The following RABEP1 variants were observed in gnomAD, a reference collection of about 807,000 sequenced individuals.
The protein encoded by RABEP1 is rabaptin, RAB GTPase binding effector protein 1.
Under a neutral mutation model 123.4 loss-of-function variants are expected in RABEP1, and 51 were observed. That is an observed-to-expected ratio of 0.41 (90% CI 0.33 to 0.52). RABEP1 has a LOEUF of 0.52. Ranked by LOEUF, RABEP1 falls within the 20% of genes least tolerant of loss-of-function variation. The pLI, the probability that RABEP1 is intolerant of heterozygous loss-of-function variation, is 0.16. For synonymous variants in RABEP1, 347 were observed against 355.2 expected (o/e 0.98, Z 0.26); for missense variants, 888 against 996.3 (o/e 0.89, Z 1.46).
At chr17:5,328,098 T>A (rs1906151782) in intron 2 of RABEP1, among the ~76,000 whole-genome samples, 2 of 151,568 alleles carry the variant, frequency 1.3e-5, no homozygotes, top group Non-Finnish European at 3.0e-5. Flanking sequence ...CAAAAGAACA[T>A]TAAGGTTTCA....
intron 1 of RABEP1, among the ~76,000 whole-genome samples, chr17:5,294,309 G>A (rs1255140466): frequency 1.2e-4 from 19 of 152,202 alleles, no homozygotes; most frequent in African/African-American, 4.1e-4. Context: ...GCTTGAACCC[G>A]GGAGGCGGAG....
At chr17:5,339,376 G>GT (rs769147598) in intron 5 of RABEP1, among the ~76,000 whole-genome samples, 3 of 152,110 alleles carry the variant, frequency 2.0e-5, no homozygotes, top group Non-Finnish European at 4.4e-5. Flanking sequence ...AGTTATAGTG[G>GT]TGTGTGCCTG....
At chr17:5,374,434 A>T (rs8064959) in intron 13 of RABEP1, among the ~76,000 whole-genome samples, 61,488 of 151,234 alleles carry the variant, frequency 0.41, 13,828 homozygotes, top group East Asian at 0.84. Flanking sequence ...ATCCAAGCTT[A>T]ATTTTTAATT....
chr17:5,360,097 G>A (rs181442424), intron 8 of RABEP1, among the ~76,000 whole-genome samples: 5 of 152,192 alleles, frequency 3.3e-5, no homozygotes, highest in East Asian at 1.9e-4. Flanking sequence ...AGAGTCACTC[G>A]CCATTTTCCC....
chr17:5,307,901 C>T (rs1167466991), intron 1 of RABEP1, among the ~76,000 whole-genome samples: 1 of 151,920 alleles, frequency 6.6e-6, no homozygotes, highest in Non-Finnish European at 1.5e-5. Flanking sequence ...ATTATGATCT[C>T]AGTATAATGG....
intron 13 of RABEP1, among the ~76,000 whole-genome samples, chr17:5,375,837 G>A (rs1364858095): frequency 6.6e-6 from 1 of 151,880 alleles, no homozygotes; most frequent in Admixed American, 6.6e-5. Flanking sequence ...GTTCTTTAGA[G>A]ACTTTATTCC....
intron 2 of RABEP1, among the ~76,000 whole-genome samples, chr17:5,310,841 G>A (rs757418260): frequency 1.4e-5 from 2 of 145,070 alleles, no homozygotes; most frequent in East Asian, 2.0e-4. Flanking sequence ...ACCGAGTCTC[G>A]CTGTGTTGTC....
At position 5,310,554 on chromosome 17, in the gene RABEP1, G is replaced by GCAAA. The variant is rs1302868043; in HGVS notation, c.163+1732_163+1733insCAAA. Among the ~76,000 whole-genome samples the GCAAA allele has an allele frequency of 1.4e-4, 22 of 151,740 alleles. No homozygotes were observed. In the East Asian group the frequency reaches 4.1e-3, roughly 28 times the overall value. ...AGGCTGGTCTCAAACTCCTGACCTT[G>GCAAA]TGATCCGCCCGCTTCGGCCTCCCAA... On this transcript the variant is annotated intron_variant, in intron 2 of 17. Coordinates refer to ENST00000537505, the MANE Select transcript of RABEP1 (RefSeq NM_004703.6).
intron 2 of RABEP1, among the ~76,000 whole-genome samples, chr17:5,312,068 G>C (rs147532698): frequency 2.1e-3 from 315 of 152,312 alleles, no homozygotes; most frequent in African/African-American, 7.4e-3. Flanking sequence ...TTTGTTGAAA[G>C]AGGACTTGCG....
intron 7 of RABEP1, among the ~76,000 whole-genome samples, chr17:5,353,727 TGATCCCGGCTACA>T (rs1225815364): frequency 6.6e-6 from 1 of 152,020 alleles, no homozygotes; most frequent in Non-Finnish European, 1.5e-5. Context: ...TGCATGCCTG[TGATCCCGGCTACA>T]CGAGAGGATG....
In RABEP1 at chr17:5,350,740, A is replaced by T. The variant is rs1908472691; in HGVS notation, c.963+111A>T. On this transcript the variant is annotated intron_variant, in intron 7 of 17. Transcript: ENST00000537505. ...CTGACTTAAGCTGCAACAAGGTGAT[A>T]AAGGTGATATGTGCCACTTTTAAAA... 6 of 1,207,336 alleles carry T rather than the reference A, an allele frequency of 5.0e-6. No individual in the cohort carries two copies. The South Asian group carries it at 8.4e-5, about 17-fold the overall frequency. 74.8% of individuals were successfully genotyped at this position (1,207,336 alleles called of 1,614,324 possible).
chr17:5,354,291 G>C, intron 7 of RABEP1, 68 bp from the exon 8 acceptor site: 1 of 1,408,668 alleles, frequency 7.1e-7, no homozygotes, highest in Non-Finnish European at 9.7e-7. Context: ...GTTTTGAATG[G>C]TTAAAGAACT....
chr17:5,367,257 C>CACAT (rs936311070), intron 11 of RABEP1, among the ~76,000 whole-genome samples: 9 of 151,724 alleles, frequency 5.9e-5, no homozygotes, highest in Non-Finnish European at 5.9e-5. Flanking sequence ...CACACACACA[C>CACAT]ACACACACAC....
At position 5,346,780 on chromosome 17, in the gene RABEP1, C is replaced by T. The variant is rs769145829; in HGVS notation, c.649-10C>T. On this transcript the variant is annotated splice_polypyrimidine_tract_variant and intron_variant, in intron 5 of 17. Transcript: ENST00000537505. ...AAATTTCAGTTTAATGGAATTGCAT[C>T]TTCTTTCAGGTTAAAGAACTGAATC... is the stretch of plus-strand genomic sequence containing the variant. 2 of 1,506,908 alleles carry T rather than the reference C, an allele frequency of 1.3e-6. No individual in the cohort carries two copies. The highest frequency in any genetic ancestry group is 2.0e-5 in the Admixed American group (1 of 50,510). 93.3% of individuals were successfully genotyped at this position (1,506,908 alleles called of 1,614,324 possible). A position where few individuals can be genotyped will look rare whatever the true frequency, so the allele number is the denominator to read the frequency against.
intron 2 of RABEP1, among the ~76,000 whole-genome samples, chr17:5,327,112 C>G (rs1340229660): frequency 6.6e-6 from 1 of 152,080 alleles, no homozygotes; most frequent in Non-Finnish European, 1.5e-5. Flanking sequence ...CTTTGGGAGG[C>G]CGAGGTGGGC....
chr17:5,290,088 A>C, intron 1 of RABEP1, among the ~76,000 whole-genome samples: 1 of 152,068 alleles, frequency 6.6e-6, no homozygotes, highest in East Asian at 1.9e-4. Flanking sequence ...TCTTTATAGA[A>C]GTATTTATTT....
chr17:5,330,512 A>G (rs776747422), intron 2 of RABEP1, among the ~76,000 whole-genome samples: 2 of 152,206 alleles, frequency 1.3e-5, no homozygotes, highest in Non-Finnish European at 2.9e-5. Context: ...TTTATGCAAG[A>G]AAGTATTGCC....
intron 1 of RABEP1, among the ~76,000 whole-genome samples, chr17:5,291,262 T>A (rs2144453903): frequency 6.6e-6 from 1 of 151,876 alleles, no homozygotes; most frequent in Non-Finnish European, 1.5e-5. Context: ...TACAAAAAAT[T>A]AACTGGGCGT....
chr17:5,282,784 C>T (rs1375473753), intron 1 of RABEP1, among the ~76,000 whole-genome samples: 2 of 149,652 alleles, frequency 1.3e-5, no homozygotes, highest in Non-Finnish European at 3.0e-5. Context: ...TGCTGGGTAG[C>T]GTGGGGTAGT....
Sources: gnomAD v4.1 joint callset for allele counts (sites outside exome capture counted in the v4.1 genomes callset) on GRCh38, gnomAD v4.1.1 for gene constraint, MANE v1.5 for transcripts, NCBI Gene and HGNC (gene_info 2026-07-23, HGNC 2026-07-21) for gene names.